HSPA4L: variants seen among roughly 807,000 people sequenced by gnomAD.
The protein encoded by HSPA4L is heat shock 70 kDa protein 4L.
In HSPA4L, 48 loss-of-function variants were observed where a neutral mutation model predicts 100.3. That is an observed-to-expected ratio of 0.48 (90% CI 0.38 to 0.61). HSPA4L has a LOEUF of 0.61. Ranked by LOEUF, HSPA4L falls within the 20% of genes least tolerant of loss-of-function variation. HSPA4L has a pLI of 0.00. For missense variants in HSPA4L, 886 were observed against 988.6 expected (o/e 0.90, Z 1.39); for synonymous variants, 319 against 328.2 (o/e 0.97, Z 0.30).
At chr4:127,800,991 A>G (rs1381339299) in intron 4 of HSPA4L, 147 bp from the exon 5 acceptor site, 2 of 550,408 alleles carry the variant, frequency 3.6e-6, no homozygotes, top group Non-Finnish European at 6.1e-6. Context: ...TGTCAAACTT[A>G]AAAAATAAAA....
chr4:127,810,155 G>A (rs1198828837), intron 11 of HSPA4L, among the ~76,000 whole-genome samples: 1 of 152,080 alleles, frequency 6.6e-6, no homozygotes, highest in Admixed American at 6.5e-5. Flanking sequence ...AAAAAGGAAA[G>A]TGAGAATAGG....
rs1734230944 is a variant in HSPA4L at position 127,837,220 on chromosome 4, G to T, written c.*4346G>T. 6.6e-6 allele frequency: 1 copy of T among 152,176 alleles called. No homozygotes were observed. The highest frequency in any genetic ancestry group is 1.5e-5 in the Non-Finnish European group (1 of 68,044). The allele number at this position is 152,176 out of a possible 1,614,324, so 9.4% of individuals were successfully genotyped here. A position where few individuals can be genotyped will look rare whatever the true frequency, so the allele number is the denominator to read the frequency against. On this transcript the variant is annotated 3_prime_UTR_variant, in exon 19 of 19. Coordinates refer to ENST00000296464, the MANE Select transcript of HSPA4L (RefSeq NM_014278.4). ...CCACCTCAGACTCCCAAAGTGCTGG[G>T]ATTACAGGCGTGAGCCACCATACCC...
At chr4:127,801,608 G>C (rs1437032520) in intron 5 of HSPA4L, among the ~76,000 whole-genome samples, 177 bp from the exon 6 acceptor site, 1 of 151,954 alleles carries the variant, frequency 6.6e-6, no homozygotes, top group Non-Finnish European at 1.5e-5. Context: ...AGTTATAGAT[G>C]AGTAAGGAAA....
Position 127,834,349 on chromosome 4 carries a change from A to G in HSPA4L, c.*1475A>G, listed in dbSNP as rs1460371522. Reference sequence around the variant, plus strand: ...ATATTGACTTAAGTTGTAAAAATTGAGAGTACAATATCTTTAGGGATAGTC... The same window carrying G: ...ATATTGACTTAAGTTGTAAAAATTGGGAGTACAATATCTTTAGGGATAGTC... On this transcript the variant is annotated 3_prime_UTR_variant, in exon 19 of 19. Transcript: ENST00000296464. The G allele has an allele frequency of 1.3e-5, 2 of 152,202 alleles. No homozygotes were observed. 9.4% of individuals were successfully genotyped at this position (152,202 alleles called of 1,614,324 possible).
intron 1 of HSPA4L, among the ~76,000 whole-genome samples, chr4:127,787,523 G>T (rs911430003): frequency 1.3e-5 from 2 of 151,952 alleles, no homozygotes; most frequent in African/African-American, 2.4e-5. Context: ...GTACATAACT[G>T]GGATTTTTTA....
intron 5 of HSPA4L, among the ~76,000 whole-genome samples, chr4:127,801,461 G>A (rs1733177203): frequency 1.1e-3 from 1 of 900 alleles, no homozygotes; most frequent in Non-Finnish European, 8.3e-3. Context: ...AAAAATACGT[G>A]TGTGTGTGTG....
chr4:127,786,390 G>T (rs752705050), intron 1 of HSPA4L, among the ~76,000 whole-genome samples: 34 of 152,094 alleles, frequency 2.2e-4, no homozygotes, highest in Admixed American at 5.2e-4. Context: ...AAGCATCTTT[G>T]CTCTACCATC....
intron 2 of HSPA4L, 125 bp downstream of exon 2, chr4:127,794,259 CTTTGT>C (rs761114924): frequency 1.9e-5 from 11 of 583,754 alleles, no homozygotes; most frequent in South Asian, 1.1e-4. Context: ...GGTACTACAT[CTTTGT>C]TTTGTTTTGT....
intron 9 of HSPA4L, 128 bp from the exon 10 acceptor site, chr4:127,805,559 G>A: frequency 3.2e-6 from 2 of 634,614 alleles, no homozygotes; most frequent in African/African-American, 1.8e-5. Context: ...ACTTCTCATT[G>A]CCAAAAACCA....
At chr4:127,788,506 A>T (rs927070964) in intron 1 of HSPA4L, among the ~76,000 whole-genome samples, 1 of 152,176 alleles carries the variant, frequency 6.6e-6, no homozygotes, top group African/African-American at 2.4e-5. Flanking sequence ...AGATCCCTTA[A>T]TTTGTTCATA....
At chr4:127,832,009 A>G (rs960499757) in intron 18 of HSPA4L, among the ~76,000 whole-genome samples, 1 of 152,078 alleles carries the variant, frequency 6.6e-6, no homozygotes, top group East Asian at 1.9e-4. Flanking sequence ...GTTTGCAACT[A>G]AAACATTCCC....
intron 1 of HSPA4L, among the ~76,000 whole-genome samples, chr4:127,793,345 CTA>C (rs1732929283): frequency 6.6e-6 from 1 of 151,868 alleles, no homozygotes; most frequent in Non-Finnish European, 1.5e-5. Flanking sequence ...TTTCAATAGA[CTA>C]TACATTCTCC....
At chr4:127,809,688 G>A (rs544803874) in intron 11 of HSPA4L, among the ~76,000 whole-genome samples, 13 of 152,250 alleles carry the variant, frequency 8.5e-5, no homozygotes, top group Admixed American at 5.9e-4. Flanking sequence ...ATTATGTACC[G>A]TAACTGTAAC....
intron 18 of HSPA4L, 123 bp downstream of exon 18, chr4:127,830,922 T>G (rs1034737010): frequency 1.7e-6 from 1 of 603,792 alleles, no homozygotes. Context: ...GACTAATTTT[T>G]TATTTAGTTA....
rs150403880 is a variant in HSPA4L at position 127,818,837 on chromosome 4, G to A, written c.1674+417G>A. Among the ~76,000 whole-genome samples, 377 of 150,850 alleles carry A rather than the reference G, an allele frequency of 2.5e-3. 2 individuals are homozygous for A. The highest frequency in any genetic ancestry group is 0.013 in the South Asian group (60 of 4,762). On this transcript the variant is annotated intron_variant, in intron 13 of 18. Transcript: ENST00000296464. ...TCTGTACAACAGACCCCTGTGACATGAGTGTACCTATATAACCTGCACATG... is the reference window on the plus strand; with the variant it reads ...TCTGTACAACAGACCCCTGTGACATAAGTGTACCTATATAACCTGCACATG...
chr4:127,791,840 A>G (rs1422017702), intron 1 of HSPA4L, among the ~76,000 whole-genome samples: 5 of 152,274 alleles, frequency 3.3e-5, no homozygotes, highest in African/African-American at 7.2e-5. Context: ...TTATAGCACC[A>G]TGTTCACCTT....
In HSPA4L at chr4:127,836,833, G is replaced by C. The variant is rs957802325; in HGVS notation, c.*3959G>C. ...GTTTTATAGTAAATAGTTGGTATTT[G>C]GTAGTCCACAATTAAAGTCATTGCA... is the stretch of plus-strand genomic sequence containing the variant. On this transcript the variant is annotated 3_prime_UTR_variant, in exon 19 of 19. Transcript: ENST00000296464. 2.0e-5 allele frequency: 3 copies of C among 151,968 alleles called. No homozygotes were observed. The highest frequency in any genetic ancestry group is 1.9e-4 in the East Asian group (1 of 5,198). The allele number at this position is 151,968 out of a possible 1,614,324, so 9.4% of individuals were successfully genotyped here.
At chr4:127,806,901 A>G (rs933073735) in intron 10 of HSPA4L, among the ~76,000 whole-genome samples, 1 of 151,946 alleles carries the variant, frequency 6.6e-6, no homozygotes, top group African/African-American at 2.4e-5. Context: ...AAAGATTTTA[A>G]TGGCATGTGT....
At position 127,808,066 on chromosome 4, in the gene HSPA4L, C is replaced by T. The variant is rs1733413458; in HGVS notation, c.1315C>T (p.Pro439Ser). ...AGTCATTACTTTCCACAAGAAGGAA[C>T]CATTTGAACTAGAAGCATTTTATAC... ...SKVITFHKKE[P>S]FELEAFYTNL... Residue 439 changes from proline to serine, a missense_variant, in exon 11 of 19, where the codon CCA becomes TCA. Physicochemically the swap from Pro to Ser is moderately conservative, Grantham distance 74. Coordinates refer to ENST00000296464, the MANE Select transcript of HSPA4L (RefSeq NM_014278.4). The T allele has an allele frequency of 6.2e-7, 1 of 1,611,904 alleles. No homozygotes were observed. The highest frequency in any genetic ancestry group is 1.3e-5 in the African/African-American group (1 of 74,836).
Sources: allele counts gnomAD v4.1 joint callset (sites outside exome capture counted in the v4.1 genomes callset), GRCh38; gene constraint gnomAD v4.1.1; transcripts MANE v1.5; gene names NCBI Gene and HGNC (gene_info 2026-07-23, HGNC 2026-07-21).